Variants in ELP4 observed in about 807,000 individuals in gnomAD.
ELP4 encodes elongator acetyltransferase complex subunit 4.
A neutral mutation model predicts 48.9 loss-of-function variants in ELP4; 51 were observed. That is an observed-to-expected ratio of 1.04 (90% confidence interval 0.83 to 1.32). The LOEUF is 1.32. ELP4 is among the 40% of genes most tolerant of loss of function. The pLI is 0.00. For synonymous variants in ELP4, 210 were observed against 189.2 expected, an observed-to-expected ratio of 1.11 and a Z score of -0.90; for missense variants, 519 against 514.6, an observed-to-expected ratio of 1.01 and a Z score of -0.08.
intron 3 of ELP4, among the ~76,000 whole-genome samples, chr11:31,556,421 CATTT>C (rs1192730377): frequency 2.6e-5 from 4 of 151,706 alleles, no homozygotes; most frequent in Non-Finnish European, 4.4e-5. Context: ...AAGATTTAAA[CATTT>C]ATTAGTAGAC....
At chr11:31,544,604 T>C (rs563299926) in intron 3 of ELP4, among the ~76,000 whole-genome samples, 1 of 152,298 alleles carries the variant, frequency 6.6e-6, no homozygotes, top group African/African-American at 2.4e-5. Context: ...AGCAGTAACC[T>C]CTGCAGACTT....
At chr11:31,556,807 T>C (rs1484816072) in intron 3 of ELP4, among the ~76,000 whole-genome samples, 1 of 151,906 alleles carries the variant, frequency 6.6e-6, no homozygotes. Flanking sequence ...CTAGGGTGCT[T>C]TAAACATGCT....
At chr11:31,568,269 A>G (rs549117722) in intron 3 of ELP4, among the ~76,000 whole-genome samples, 1 of 152,252 alleles carries the variant, frequency 6.6e-6, no homozygotes, top group East Asian at 1.9e-4. Context: ...GAACTACAAA[A>G]CACTGCTGAA....
rs1384531751 is a variant in ELP4, at chr11:31,786,091, A to G, written c.*2567A>G. ...TTTGAATTTCCTTTTAGTAGCCACCATACAATATCTACTTTTCTCTTCCAT... is the reference window on the plus strand; with the variant it reads ...TTTGAATTTCCTTTTAGTAGCCACCGTACAATATCTACTTTTCTCTTCCAT... On this transcript the variant is annotated 3_prime_UTR_variant, in exon 10 of 10. Transcript: ENST00000640961. 1 of 203,106 alleles carries G rather than the reference A, an allele frequency of 4.9e-6. No homozygotes were observed. The highest frequency in any genetic ancestry group is 2.3e-5 in the African/African-American group (1 of 43,704). The allele number at this position is 203,106 out of a possible 1,614,324, so 12.6% of individuals were successfully genotyped here.
chr11:31,677,614 A>G (rs1945955715), intron 9 of ELP4, among the ~76,000 whole-genome samples: 1 of 152,198 alleles, frequency 6.6e-6, no homozygotes, highest in South Asian at 2.1e-4. Flanking sequence ...ATCTACAAAA[A>G]TAGGTCTTTA....
chr11:31,516,757 G>A (rs922678412), intron 1 of ELP4, among the ~76,000 whole-genome samples: 16 of 152,126 alleles, frequency 1.1e-4, no homozygotes, highest in Admixed American at 1.0e-3. Flanking sequence ...CTTCCAAAAT[G>A]CTGGGATTAT....
chr11:31,651,585 A>G (rs1257939629), intron 9 of ELP4: 1 of 151,838 alleles, frequency 6.6e-6, no homozygotes, highest in Non-Finnish European at 1.5e-5. Context: ...CTGACAGAAT[A>G]CTGAGTAATG....
At position 31,783,695 on chromosome 11, in the gene ELP4, A is replaced by T. The variant is rs1045471284; in HGVS notation, c.*171A>T. ...TTTTAACTTTTTACAGAACTAGCAC[A>T]GCAGAAATACTTTTAAATTTTTCCT... On this transcript the variant is annotated 3_prime_UTR_variant, in exon 10 of 10. Coordinates refer to ENST00000640961, the MANE Select transcript of ELP4 (RefSeq NM_019040.5). 2 of 565,048 alleles carry T rather than the reference A, an allele frequency of 3.5e-6. No homozygotes were observed. Among genetic ancestry groups the T allele is most frequent in the South Asian group, 8.3e-5 (2 of 24,146 alleles). The allele number at this position is 565,048 out of a possible 1,614,324, so 35.0% of individuals were successfully genotyped here. A position where few individuals can be genotyped will look rare whatever the true frequency, so the allele number is the denominator to read the frequency against.
chr11:31,685,075 G>A (rs552665277), intron 9 of ELP4, among the ~76,000 whole-genome samples: 1 of 152,148 alleles, frequency 6.6e-6, no homozygotes, highest in Admixed American at 6.5e-5. Context: ...AGTTCAGGCC[G>A]GGAGCAGTGG....
chr11:31,771,776 A>G (rs964269834), intron 9 of ELP4, among the ~76,000 whole-genome samples: 10 of 152,278 alleles, frequency 6.6e-5, no homozygotes, highest in South Asian at 4.1e-4. Context: ...TCAGGAGATC[A>G]AGACCATCCT....
rs150817182 is a variant in ELP4, at chr11:31,698,738, A to G, written c.1143+48517A>G. On this transcript the variant is annotated intron_variant, in intron 9 of 9. Coordinates refer to ENST00000640961, the MANE Select transcript of ELP4 (RefSeq NM_019040.5). ...GGAAATTTTAAATTATATTTTTCCT[A>G]TATTTCTACCTGATTCTCTGACCTC... Among the ~76,000 whole-genome samples the G allele has an allele frequency of 2.1e-3, 322 of 152,192 alleles. 4 individuals are homozygous for G. The highest frequency in any genetic ancestry group is 7.3e-3 in the African/African-American group (303 of 41,540).
intron 3 of ELP4, among the ~76,000 whole-genome samples, chr11:31,569,331 A>T (rs1042523178): frequency 1.3e-5 from 2 of 152,204 alleles, no homozygotes; most frequent in Non-Finnish European, 2.9e-5. Flanking sequence ...ATGGGAGAAA[A>T]TATTCACAAA....
At chr11:31,609,165 T>G (rs1333482702) in intron 5 of ELP4, among the ~76,000 whole-genome samples, 6 of 152,138 alleles carry the variant, frequency 3.9e-5, no homozygotes, top group Non-Finnish European at 7.4e-5. Context: ...TGGCTGCATT[T>G]AAAACAGGCC....
intron 9 of ELP4, among the ~76,000 whole-genome samples, chr11:31,745,131 C>G (rs1947554159): frequency 6.6e-6 from 1 of 152,104 alleles, no homozygotes; most frequent in African/African-American, 2.4e-5. Flanking sequence ...GAGTGAACTC[C>G]CATTCACAAC....
rs1017055069 is a variant in ELP4, at chr11:31,788,381, G to C, written c.*4857G>C. 2 of 223,258 alleles carry C rather than the reference G, an allele frequency of 9.0e-6. No individual in the cohort carries two copies. The highest frequency in any genetic ancestry group is 1.8e-5 in the Non-Finnish European group (2 of 111,892). The allele number at this position is 223,258 out of a possible 1,614,324, so 13.8% of individuals were successfully genotyped here. A position where few individuals can be genotyped will look rare whatever the true frequency, so the allele number is the denominator to read the frequency against. ...CTCCACCCTCCAACCATCCACAACC[G>C]CACAGAAAGCAAGATTCAAATGGGA... On this transcript the variant is annotated 3_prime_UTR_variant, in exon 10 of 10. Transcript: ENST00000640961.
chr11:31,694,317 T>G (rs148678255), intron 9 of ELP4, among the ~76,000 whole-genome samples: 1,849 of 152,190 alleles, frequency 0.012, 21 homozygotes, highest in Non-Finnish European at 0.02. Flanking sequence ...AAGTCTTTAA[T>G]CCAGCTTGAA....
chr11:31,552,839 C>T (rs911236047), intron 3 of ELP4, among the ~76,000 whole-genome samples: 1 of 152,118 alleles, frequency 6.6e-6, no homozygotes, highest in Non-Finnish European at 1.5e-5. Flanking sequence ...TCTGTTACCT[C>T]CCCTTTACCT....
At chr11:31,570,729 C>T (rs369900688) in intron 3 of ELP4, among the ~76,000 whole-genome samples, 4 of 150,470 alleles carry the variant, frequency 2.7e-5, no homozygotes, top group South Asian at 2.1e-4. Flanking sequence ...CCACTCGCCT[C>T]GGCCTCCCAA....
At chr11:31,776,314 A>C (rs1243523306) in intron 9 of ELP4, among the ~76,000 whole-genome samples, 1 of 152,152 alleles carries the variant, frequency 6.6e-6, no homozygotes, top group East Asian at 1.9e-4. Context: ...TTTAAGGGAA[A>C]GGATAAGTAG....
Sources: gnomAD v4.1 joint callset for allele counts (sites outside exome capture counted in the v4.1 genomes callset) on GRCh38, gnomAD v4.1.1 for gene constraint, MANE v1.5 for transcripts, NCBI Gene and HGNC (gene_info 2026-07-23, HGNC 2026-07-21) for gene names.